The following FGF14 variants were observed in gnomAD, a reference collection of about 807,000 sequenced individuals.
FGF14 encodes fibroblast growth factor 14, also known as fibroblast growth factor homologous factor 4.
FGF14 carries 5 observed loss-of-function variants against 25.5 expected under a neutral mutation model. That is an observed-to-expected ratio of 0.20 (90% confidence interval 0.10 to 0.41). The LOEUF is 0.41. Among genes scored for constraint, FGF14 ranks in the 10% least tolerant of loss-of-function variants. The pLI is 1.00. For missense variants in FGF14, 222 were observed against 320.1 expected (o/e 0.69, Z 2.34); for synonymous variants, 138 against 118.3 (o/e 1.17, Z -1.08).
intron 1 of FGF14, among the ~76,000 whole-genome samples, chr13:102,237,586 A>G (rs2051389878): frequency 1.7e-4 from 1 of 6,010 alleles, no homozygotes; most frequent in East Asian, 6.6e-3. Context: ...TACACTTCAG[A>G]AAAAAAAAAA....
At chr13:102,132,709 C>T (rs141607709) in intron 1 of FGF14, among the ~76,000 whole-genome samples, 74 of 152,068 alleles carry the variant, frequency 4.9e-4, no homozygotes, top group African/African-American at 1.4e-3. Flanking sequence ...TTAGTAGAGA[C>T]AAGGTTTCAC....
chr13:102,153,888 T>C (rs2140517613), intron 1 of FGF14, among the ~76,000 whole-genome samples: 1 of 152,274 alleles, frequency 6.6e-6, no homozygotes, highest in Non-Finnish European at 1.5e-5. Flanking sequence ...GGGCAGTATA[T>C]TAAGCAATTT....
intron 1 of FGF14, chr13:102,354,265 T>C (rs1231320361): frequency 6.6e-6 from 1 of 152,228 alleles, no homozygotes; most frequent in Admixed American, 6.5e-5. Flanking sequence ...CCTCTGCTCA[T>C]CTGAGGCAAA....
At chr13:102,056,066 A>T (rs2042416129) in intron 1 of FGF14, among the ~76,000 whole-genome samples, 1 of 152,232 alleles carries the variant, frequency 6.6e-6, no homozygotes, top group Non-Finnish European at 1.5e-5. Context: ...GAATTATGGG[A>T]GCTACAATTC....
At chr13:101,994,075 G>T (rs2039051740) in intron 1 of FGF14, among the ~76,000 whole-genome samples, 1 of 151,902 alleles carries the variant, frequency 6.6e-6, no homozygotes, top group Non-Finnish European at 1.5e-5. Flanking sequence ...CTAAAAGGAT[G>T]CATAGTAAAT....
chr13:102,107,090 G>A (rs1333683668), intron 1 of FGF14, among the ~76,000 whole-genome samples: 5 of 152,090 alleles, frequency 3.3e-5, no homozygotes, highest in Non-Finnish European at 7.4e-5. Flanking sequence ...TCAGTTTGAT[G>A]ACTACTAGCC....
At chr13:101,908,481 C>A (rs947654792) in intron 1 of FGF14, among the ~76,000 whole-genome samples, 21 of 152,048 alleles carry the variant, frequency 1.4e-4, no homozygotes, top group Non-Finnish European at 2.2e-4. Context: ...TTAAATAGTA[C>A]TCAATAGACA....
chr13:102,064,315 A>G (rs1218577648), intron 1 of FGF14, among the ~76,000 whole-genome samples: 1 of 152,092 alleles, frequency 6.6e-6, no homozygotes, highest in Non-Finnish European at 1.5e-5. Flanking sequence ...ATAAAAATCA[A>G]ACATCTTTAA....
intron 1 of FGF14, among the ~76,000 whole-genome samples, chr13:102,035,035 A>C (rs542695086): frequency 6.6e-6 from 1 of 152,114 alleles, no homozygotes; most frequent in Admixed American, 6.6e-5. Context: ...TAACAATGAA[A>C]CTCATCCTAA....
At chr13:101,987,949 G>A (rs2038682845) in intron 1 of FGF14, among the ~76,000 whole-genome samples, 1 of 152,020 alleles carries the variant, frequency 6.6e-6, no homozygotes. Flanking sequence ...TAAGTGTTGA[G>A]TGAATAGCTA....
At chr13:102,132,364 A>T (rs1024641107) in intron 1 of FGF14, among the ~76,000 whole-genome samples, 28 of 152,360 alleles carry the variant, frequency 1.8e-4, no homozygotes, top group Middle Eastern at 3.4e-3. Flanking sequence ...ATATTGGTAC[A>T]TTTTAAGACA....
At chr13:102,200,134 AACAC>A (rs368764603) in intron 1 of FGF14, among the ~76,000 whole-genome samples, 3 of 152,004 alleles carry the variant, frequency 2.0e-5, no homozygotes, top group Admixed American at 6.6e-5. Context: ...TGAAATTGTG[AACAC>A]ACACACACAT....
intron 1 of FGF14, among the ~76,000 whole-genome samples, chr13:102,379,430 A>ATATT (rs1491191204): frequency 6.6e-6 from 1 of 151,474 alleles, no homozygotes; most frequent in Non-Finnish European, 1.5e-5. Context: ...ACACACACAC[A>ATATT]TATTTATATA....
chr13:102,301,640 G>A (rs2055058565), intron 1 of FGF14, among the ~76,000 whole-genome samples: 1 of 152,052 alleles, frequency 6.6e-6, no homozygotes, highest in Non-Finnish European at 1.5e-5. Flanking sequence ...TTACCAGTCA[G>A]GACTCACTCC....
At chr13:101,998,277 T>C (rs188527011) in intron 1 of FGF14, among the ~76,000 whole-genome samples, 3 of 152,360 alleles carry the variant, frequency 2.0e-5, no homozygotes, top group Non-Finnish European at 4.4e-5. Flanking sequence ...CATTTCTTGG[T>C]ACAATTATGC....
intron 1 of FGF14, among the ~76,000 whole-genome samples, chr13:102,384,833 T>G (rs1291774310): frequency 1.3e-5 from 2 of 152,210 alleles, no homozygotes; most frequent in African/African-American, 4.8e-5. Flanking sequence ...ATCAAAACCT[T>G]TGAATCTCCT....
chr13:101,739,405 C>T (rs759746930), intron 3 of FGF14, among the ~76,000 whole-genome samples: 27 of 151,802 alleles, frequency 1.8e-4, no homozygotes, highest in Non-Finnish European at 2.9e-4. Flanking sequence ...CACTAATGAT[C>T]GTATTATTAC....
chr13:102,250,036 G>T (rs1406626366), intron 1 of FGF14, among the ~76,000 whole-genome samples: 3 of 152,100 alleles, frequency 2.0e-5, no homozygotes, highest in African/African-American at 4.8e-5. Flanking sequence ...TATGTAAGAA[G>T]ACCACCCCCA....
At chr13:102,161,608 AAGAAGAAGAAGAAGAAGAAGAAG>A (rs2047684847) in intron 1 of FGF14, among the ~76,000 whole-genome samples, 3 of 6,524 alleles carry the variant, frequency 4.6e-4, no homozygotes, top group Non-Finnish European at 6.5e-4. Context: ...GAAGAAGAAG[AAGAAGAAGAAGAAGAAGAAGAAG>A]AAGAAGAAGA....
Sources: allele counts gnomAD v4.1 joint callset (sites outside exome capture counted in the v4.1 genomes callset), GRCh38; gene constraint gnomAD v4.1.1; transcripts MANE v1.5; gene names NCBI Gene and HGNC (gene_info 2026-07-23, HGNC 2026-07-21).